Variants in PDE7B observed in about 807,000 individuals in gnomAD.
PDE7B encodes the protein 3',5'-cyclic-AMP phosphodiesterase 7B.
PDE7B carries 29 observed loss-of-function variants against 56.2 expected under a neutral mutation model. The observed-to-expected ratio is 0.52, with a 90% CI of 0.38 to 0.70. PDE7B has a LOEUF of 0.70. PDE7B is among the 30% of genes least tolerant of loss of function. PDE7B has a pLI of 0.00. For synonymous variants in PDE7B, 197 were observed against 196.9 expected, an observed-to-expected ratio of 1.00 and a Z score of 0.00; for missense variants, 490 against 565.0, an observed-to-expected ratio of 0.87 and a Z score of 1.35.
At chr6:136,079,580 C>G (rs1294764933) in intron 2 of PDE7B, among the ~76,000 whole-genome samples, 1 of 152,092 alleles carries the variant, frequency 6.6e-6, no homozygotes, top group African/African-American at 2.4e-5. Flanking sequence ...TACACACAGA[C>G]CACTTAAAGA....
intron 2 of PDE7B, among the ~76,000 whole-genome samples, chr6:135,998,376 C>T (rs1775603333): frequency 6.6e-6 from 1 of 152,136 alleles, no homozygotes; most frequent in African/African-American, 2.4e-5. Flanking sequence ...GATTATTTAT[C>T]TTATAAAAAT....
chr6:136,010,230 T>C (rs1775867900), intron 2 of PDE7B, among the ~76,000 whole-genome samples: 1 of 152,072 alleles, frequency 6.6e-6, no homozygotes. Flanking sequence ...TTTGAGCAAT[T>C]TTTTTTATTG....
chr6:136,034,142 A>AT (rs1254154172), intron 2 of PDE7B: 3 of 152,160 alleles, frequency 2.0e-5, no homozygotes, highest in Non-Finnish European at 4.4e-5. Context: ...CTAAGTTTCC[A>AT]TTTTTTTGAA....
chr6:136,152,754 G>A (rs556528525), intron 6 of PDE7B, among the ~76,000 whole-genome samples: 21 of 152,258 alleles, frequency 1.4e-4, no homozygotes, highest in Admixed American at 8.5e-4. Flanking sequence ...TTTGATTTTG[G>A]AGGCTGACTT....
chr6:136,002,741 A>C (rs190108042), intron 2 of PDE7B, among the ~76,000 whole-genome samples: 99 of 152,248 alleles, frequency 6.5e-4, no homozygotes, highest in African/African-American at 2.3e-3. Context: ...GACTCCCACA[A>C]ATTAATAATG....
intron 9 of PDE7B, among the ~76,000 whole-genome samples, chr6:136,176,543 A>AT (rs567158900): frequency 4.6e-5 from 7 of 152,094 alleles, no homozygotes; most frequent in Middle Eastern, 3.4e-3. Flanking sequence ...AATTTTTGTG[A>AT]TTTTTTTCCC....
chr6:136,061,868 A>G (rs1776850094), intron 2 of PDE7B, among the ~76,000 whole-genome samples: 1 of 152,210 alleles, frequency 6.6e-6, no homozygotes, highest in African/African-American at 2.4e-5. Flanking sequence ...ATTTTTGGCA[A>G]ACTAACCTCT....
intron 3 of PDE7B, 49 bp downstream of exon 3, chr6:136,108,863 G>GAA: frequency 3.0e-5 from 27 of 914,746 alleles, no homozygotes; most frequent in Non-Finnish European, 3.6e-5. Context: ...TCTTCAAAAA[G>GAA]AAAAAAAAAA....
chr6:135,865,330 C>G (rs987190563), intron 1 of PDE7B, among the ~76,000 whole-genome samples: 1 of 152,050 alleles, frequency 6.6e-6, no homozygotes, highest in Non-Finnish European at 1.5e-5. Flanking sequence ...CTAAGTCTTT[C>G]TTCATCTGTA....
chr6:136,044,641 T>TCTA (rs1171209911), intron 2 of PDE7B: 2 of 152,330 alleles, frequency 1.3e-5, no homozygotes, highest in East Asian at 3.9e-4. Context: ...GAACTTGTAA[T>TCTA]CTACTGATAA....
chr6:135,981,713 C>T (rs1775300265), intron 2 of PDE7B, among the ~76,000 whole-genome samples: 1 of 151,182 alleles, frequency 6.6e-6, no homozygotes, highest in Admixed American at 6.6e-5. Context: ...ATAACAATGC[C>T]TTCCTCTGGA....
chr6:135,986,688 T>C (rs1775382239), intron 2 of PDE7B, among the ~76,000 whole-genome samples: 1 of 152,234 alleles, frequency 6.6e-6, no homozygotes, highest in South Asian at 2.1e-4. Flanking sequence ...TTCATACGTT[T>C]TCTGAATCTC....
At chr6:135,953,366 GT>G (rs1393743100) in intron 2 of PDE7B, among the ~76,000 whole-genome samples, 1 of 152,110 alleles carries the variant, frequency 6.6e-6, no homozygotes, top group Non-Finnish European at 1.5e-5. Flanking sequence ...CCACTGTGGT[GT>G]TGGTAGAAAG....
chr6:136,144,764 CCTT>C (rs1231566553), intron 3 of PDE7B, among the ~76,000 whole-genome samples: 1 of 151,980 alleles, frequency 6.6e-6, no homozygotes, highest in African/African-American at 2.4e-5. Flanking sequence ...TGTGAAGTGT[CCTT>C]CAACAATTTT....
chr6:136,154,179 A>G lies in PDE7B; in HGVS notation c.579+4A>G, dbSNP rs773067534. The G allele has an allele frequency of 3.7e-6, 6 of 1,601,890 alleles. No individual in the cohort carries two copies. In the Admixed American group the frequency reaches 1.0e-4, roughly 27 times the overall value. On this transcript the variant is annotated splice_donor_region_variant and intron_variant, in intron 7 of 12. Transcript: ENST00000308191. The stretch of plus-strand genomic sequence containing the variant: ...CTGCTACCTGAAAGAGCCAAAGGTA[A>G]GACAAGACCCAGCTGCCTCCTCAGC...
intron 2 of PDE7B, among the ~76,000 whole-genome samples, chr6:136,103,425 C>A (rs566926956): frequency 6.6e-6 from 1 of 152,156 alleles, no homozygotes; most frequent in African/African-American, 2.4e-5. Flanking sequence ...TAGGAGAAAT[C>A]GTTCACTTAG....
At chr6:136,132,987 A>C (rs1583898902) in intron 3 of PDE7B, among the ~76,000 whole-genome samples, 1 of 152,270 alleles carries the variant, frequency 6.6e-6, no homozygotes, top group Non-Finnish European at 1.5e-5. Context: ...AAGTTCTCTG[A>C]GGAACTAAGG....
intron 1 of PDE7B, among the ~76,000 whole-genome samples, chr6:135,911,482 G>A (rs948775512): frequency 6.6e-6 from 1 of 152,140 alleles, no homozygotes; most frequent in African/African-American, 2.4e-5. Context: ...AAACCAACGT[G>A]ATATAAACAA....
chr6:136,055,734 A>G (rs1251601913), intron 2 of PDE7B, among the ~76,000 whole-genome samples: 1 of 152,236 alleles, frequency 6.6e-6, no homozygotes, highest in Non-Finnish European at 1.5e-5. Flanking sequence ...AAGTGTACCT[A>G]GATCTGCAGT....
Sources: gnomAD v4.1 joint callset for allele counts (sites outside exome capture counted in the v4.1 genomes callset) on GRCh38, gnomAD v4.1.1 for gene constraint, MANE v1.5 for transcripts, NCBI Gene and HGNC (gene_info 2026-07-23, HGNC 2026-07-21) for gene names.